THSD7A: variants seen among roughly 807,000 people sequenced by gnomAD.
THSD7A encodes thrombospondin type 1 domain containing 7A, also known as thrombospondin type-1 domain-containing protein 7A.
In THSD7A, 96 loss-of-function variants were observed where a neutral mutation model predicts 231.3. That is an observed-to-expected ratio of 0.41 (90% CI 0.35 to 0.49). The LOEUF (loss-of-function observed/expected upper bound fraction) is 0.49. Among genes scored for constraint, THSD7A ranks in the 20% least tolerant of loss-of-function variants. The pLI, the probability that THSD7A is intolerant of heterozygous loss-of-function variation, is 0.05. For synonymous variants in THSD7A, 940 were observed against 743.3 expected, an observed-to-expected ratio of 1.26 and a Z score of -4.30; for missense variants, 2,290 against 2,070.2, an observed-to-expected ratio of 1.11 and a Z score of -2.06.
intron 6 of THSD7A, among the ~76,000 whole-genome samples, chr7:11,537,665 G>A (rs865964134): frequency 1.3e-5 from 2 of 152,160 alleles, no homozygotes; most frequent in Admixed American, 6.5e-5. Context: ...GCAGGACTGC[G>A]AGCCAATTAA....
At chr7:11,820,286 C>T (rs1784833162) in intron 1 of THSD7A, 3 of 517,574 alleles carry the variant, frequency 5.8e-6, no homozygotes, top group Non-Finnish European at 9.4e-6. Context: ...ACCTCTCTCC[C>T]CTGGGCAAGG....
intron 1 of THSD7A, among the ~76,000 whole-genome samples, chr7:11,807,306 G>A (rs753326759): frequency 3.3e-5 from 5 of 152,000 alleles, no homozygotes; most frequent in East Asian, 1.9e-4. Flanking sequence ...ATTTATTTGC[G>A]TCAATATTTC....
In THSD7A at chr7:11,429,029, C is replaced by G; in HGVS notation, c.3161G>C (p.Gly1054Ala). 1 of 1,613,292 alleles carries G rather than the reference C, an allele frequency of 6.2e-7. No homozygotes were observed. Among genetic ancestry groups the G allele is most frequent in the Non-Finnish European group, 8.5e-7 (1 of 1,179,598 alleles). Reference sequence around the variant, plus strand: ...CAGCCATTTAGAACGAACCTTCACACCACTCCCACAGGACTTGCTGCAGCG... The same window carrying G: ...CAGCCATTTAGAACGAACCTTCACAGCACTCCCACAGGACTTGCTGCAGCG... ...WSRCSKSCGS[G>A]VKVRSKWLRE... Residue 1054 changes from glycine (G) to alanine (A), a missense_variant, in exon 14 of 28, where the codon GGT (glycine) becomes GCT (alanine). Transcript: ENST00000423059.
rs1783779507 is a variant in THSD7A, at chr7:11,411,354, G to A, written c.3683-32C>T. On this transcript the variant is annotated intron_variant, in intron 18 of 27. Transcript: ENST00000423059. The surrounding 1 kb of genome is among the most constrained non-coding windows in gnomAD (Gnocchi z 4.1). ...AAAAGGGAAGCCCATCAGAACAGAA[G>A]GCTAAGTAAGAAACAGATTTCAAAT... 6.9e-7 allele frequency: 1 copy of A among 1,451,658 alleles called. No individual in the cohort carries two copies. The highest frequency in any genetic ancestry group is 1.8e-5 in the Admixed American group (1 of 54,818). The allele number at this position is 1,451,658 out of a possible 1,614,324, so 89.9% of individuals were successfully genotyped here.
intron 1 of THSD7A, among the ~76,000 whole-genome samples, chr7:11,713,485 G>T (rs1002172926): frequency 1.3e-4 from 19 of 151,108 alleles, no homozygotes; most frequent in Admixed American, 1.1e-3. Flanking sequence ...ATTTACTGTC[G>T]TCTTGCCCTT....
At chr7:11,460,944 A>G (rs1293269607) in intron 10 of THSD7A, among the ~76,000 whole-genome samples, 179 bp from the exon 11 acceptor site, 1 of 152,236 alleles carries the variant, frequency 6.6e-6, no homozygotes, top group African/African-American at 2.4e-5. Context: ...AACATTAAAT[A>G]TAAAAGTACT....
chr7:11,388,332 T>G (rs977100127), intron 23 of THSD7A, among the ~76,000 whole-genome samples: 6 of 152,134 alleles, frequency 3.9e-5, no homozygotes, highest in Non-Finnish European at 7.4e-5. Flanking sequence ...CCTGGACTTT[T>G]TGTGGTTGGT....
intron 13 of THSD7A, among the ~76,000 whole-genome samples, chr7:11,443,545 C>A (rs1784869392): frequency 6.6e-6 from 1 of 151,850 alleles, no homozygotes; most frequent in African/African-American, 2.4e-5. Flanking sequence ...GTATATTAAC[C>A]TGAAACATAC....
At position 11,481,921 on chromosome 7, in the gene THSD7A, A is replaced by G; in HGVS notation, c.1884T>C (p.Asp628=). 1 of 1,613,774 alleles carries G rather than the reference A, an allele frequency of 6.2e-7. No individual in the cohort carries two copies. Among genetic ancestry groups the G allele is most frequent in the Non-Finnish European group, 8.5e-7 (1 of 1,179,714 alleles). ...GCACACAGTCTTTCGGGCATGGGGC[A>G]TCACAGGCCACAGGGATGGGGAAGA... ...DAIFPIPVAC[D]APCPKDCVLS... Residue 628 remains aspartate (D), a synonymous_variant, in exon 7 of 28, where the codon GAT becomes GAC. Transcript: ENST00000423059.
chr7:11,758,955 G>GAACA (rs1782771139), intron 1 of THSD7A, among the ~76,000 whole-genome samples: 3 of 152,080 alleles, frequency 2.0e-5, no homozygotes, highest in Admixed American at 2.0e-4. Flanking sequence ...GCAGGCTGTA[G>GAACA]TTTGCTAAGC....
At chr7:11,805,936 T>A (rs763410266) in intron 1 of THSD7A, among the ~76,000 whole-genome samples, 1 of 152,198 alleles carries the variant, frequency 6.6e-6, no homozygotes, top group Non-Finnish European at 1.5e-5. Context: ...AAATTATACT[T>A]GCCTTACTAA....
chr7:11,519,490 C>T (rs1012586470), intron 6 of THSD7A, among the ~76,000 whole-genome samples: 2 of 152,166 alleles, frequency 1.3e-5, no homozygotes, highest in Non-Finnish European at 2.9e-5. Flanking sequence ...TAGGTACTGG[C>T]ACACTGTCAC....
chr7:11,594,427 C>G (rs1780283346), intron 2 of THSD7A, among the ~76,000 whole-genome samples: 1 of 152,048 alleles, frequency 6.6e-6, no homozygotes, highest in African/African-American at 2.4e-5. Flanking sequence ...GAGTTGGCTG[C>G]TTAATATTAG....
chr7:11,570,195 GA>G (rs1243989534), intron 4 of THSD7A, among the ~76,000 whole-genome samples: 1 of 151,812 alleles, frequency 6.6e-6, no homozygotes, highest in African/African-American at 2.4e-5. Context: ...GAAAAGAAAA[GA>G]AAAGAAAAAA....
intron 1 of THSD7A, among the ~76,000 whole-genome samples, chr7:11,778,821 T>A (rs1399359496): frequency 6.6e-6 from 1 of 152,146 alleles, no homozygotes; most frequent in South Asian, 2.1e-4. Flanking sequence ...AATATACCAA[T>A]GTTTCTATAA....
At chr7:11,683,365 A>G (rs1783941863) in intron 1 of THSD7A, among the ~76,000 whole-genome samples, 1 of 152,040 alleles carries the variant, frequency 6.6e-6, no homozygotes, top group Non-Finnish European at 1.5e-5. Context: ...GCAGAAAAGA[A>G]ATAACTACAA....
intron 6 of THSD7A, among the ~76,000 whole-genome samples, chr7:11,514,005 T>C (rs980338649): frequency 4.0e-5 from 6 of 151,820 alleles, no homozygotes; most frequent in African/African-American, 1.5e-4. Flanking sequence ...CTGCCATTTC[T>C]CAAACATGCT....
At chr7:11,823,764 G>T (rs539536491) in intron 1 of THSD7A, among the ~76,000 whole-genome samples, 23 of 151,748 alleles carry the variant, frequency 1.5e-4, no homozygotes, top group Non-Finnish European at 1.0e-4. Context: ...GATCATTATT[G>T]GTATATATGA....
intron 2 of THSD7A, among the ~76,000 whole-genome samples, chr7:11,624,164 A>G (rs1781404986): frequency 6.6e-6 from 1 of 152,064 alleles, no homozygotes; most frequent in South Asian, 2.1e-4. Context: ...TGTATTGTCT[A>G]TGTGGTCTCA....
Sources: allele counts gnomAD v4.1 joint callset (sites outside exome capture counted in the v4.1 genomes callset), GRCh38; gene constraint gnomAD v4.1.1; non-coding constraint Gnocchi (gnomAD v3.1); transcripts MANE v1.5; gene names NCBI Gene and HGNC (gene_info 2026-07-23, HGNC 2026-07-21).